EPAS1: variants seen among roughly 807,000 people sequenced by gnomAD.
The protein encoded by EPAS1 is endothelial PAS domain protein 1.
Under a neutral mutation model 87.9 loss-of-function variants are expected in EPAS1, and 23 were observed. That is an observed-to-expected ratio of 0.26 (90% CI 0.19 to 0.37). The LOEUF (loss-of-function observed/expected upper bound fraction) is 0.37, where lower values mean the gene tolerates loss of function less well. EPAS1 is among the 10% of genes least tolerant of loss of function. The pLI, the probability that EPAS1 is intolerant of heterozygous loss-of-function variation, is 1.00. For synonymous variants in EPAS1, 508 were observed against 444.3 expected, an observed-to-expected ratio of 1.14 and a Z score of -1.80; for missense variants, 1,138 against 1,120.7, an observed-to-expected ratio of 1.02 and a Z score of -0.22.
chr2:46,347,093 C>G lies in EPAS1; in HGVS notation c.217+30C>G, dbSNP rs1362548083. 16 of 1,612,330 alleles carry G rather than the reference C, an allele frequency of 9.9e-6. No individual in the cohort carries two copies. Among genetic ancestry groups the G allele is most frequent in the Admixed American group, 1.7e-5 (1 of 60,020 alleles). ...GGCCAGCAGGCTCCCCTAGGCTGGG[C>G]AGATGCCAGCCTTACCAGCATGTTC... On this transcript the variant is annotated intron_variant, in intron 2 of 15. Transcript: ENST00000263734. This position sits in a 1 kb window ranked among gnomAD's most constrained non-coding sequence, Gnocchi z 4.2.
chr2:46,376,737 C>T lies in EPAS1; in HGVS notation c.1233C>T (p.Ile411=). The change falls in exon 9 of 16, where the codon ATC becomes ATT. Residue 411 remains isoleucine (I), a synonymous_variant. Transcript: ENST00000263734. ...TGGCTCCCACCCCAGGAGACGCCAT[C>T]ATCTCTCTGGATTTCGGTGGGTGCT... ...AQLAPTPGDA[I]ISLDFGNQNF... 3 of 1,612,516 alleles carry T rather than the reference C, an allele frequency of 1.9e-6. No individual in the cohort carries two copies. Among genetic ancestry groups the T allele is most frequent in the Non-Finnish European group, 2.5e-6 (3 of 1,179,940 alleles).
chr2:46,348,439 A>G (rs1684082334), intron 2 of EPAS1, among the ~76,000 whole-genome samples: 1 of 152,202 alleles, frequency 6.6e-6, no homozygotes, highest in Non-Finnish European at 1.5e-5. Context: ...GTCTTACTGG[A>G]TAACTGAGGG....
intron 1 of EPAS1, among the ~76,000 whole-genome samples, chr2:46,338,910 A>G (rs763493253): frequency 8.5e-5 from 10 of 117,754 alleles, no homozygotes; most frequent in African/African-American, 3.4e-4. Flanking sequence ...AAATCTGCCA[A>G]CTCAGCTTTC....
chr2:46,320,783 A>G (rs1683440088), intron 1 of EPAS1, among the ~76,000 whole-genome samples: 1 of 152,238 alleles, frequency 6.6e-6, no homozygotes, highest in South Asian at 2.1e-4. Context: ...GTGAGAGTTT[A>G]GTTTAAGAGT....
At chr2:46,298,069 G>A in intron 1 of EPAS1, 132 bp downstream of exon 1, 1 of 1,139,028 alleles carries the variant, frequency 8.8e-7, no homozygotes, top group Non-Finnish European at 1.3e-6. Flanking sequence ...GGTTTGGAGG[G>A]CTGTGAGGGG....
Position 46,375,032 on chromosome 2 carries a change from G to T in EPAS1, c.887-658G>T, listed in dbSNP as rs375276019. ...TCTCAGCCCCAACTGAGAAAGGGTG[G>T]GGTGGTTTGCCTCTGCCTTTGCTGT... is the stretch of plus-strand genomic sequence containing the variant. On this transcript the variant is annotated intron_variant, in intron 7 of 15. Coordinates refer to ENST00000263734, the MANE Select transcript of EPAS1 (RefSeq NM_001430.5). This position sits in a 1 kb window ranked among gnomAD's most constrained non-coding sequence, Gnocchi z 4.1. Among the ~76,000 whole-genome samples the T allele has an allele frequency of 5.4e-4, 82 of 152,256 alleles. 3 individuals carry two copies. The South Asian group carries it at 0.017, about 31-fold the overall frequency.
Position 46,369,975 on chromosome 2 carries a change from G to A in EPAS1, c.886+42G>A, listed in dbSNP as rs183967121. ...CCCCTTGTGGCTTCCTTGTGTCTGT[G>A]GTATGTGGCCTTGAGTGGGGTGTGA... is the stretch of plus-strand genomic sequence containing the variant. On this transcript the variant is annotated intron_variant, in intron 7 of 15. Coordinates refer to ENST00000263734, the MANE Select transcript of EPAS1 (RefSeq NM_001430.5). 20 of 1,480,462 alleles carry A rather than the reference G, an allele frequency of 1.4e-5. No homozygotes were observed. In the African/African-American group the frequency reaches 2.8e-4, roughly 21 times the overall value. The allele number at this position is 1,480,462 out of a possible 1,614,324, so 91.7% of individuals were successfully genotyped here. A position where few individuals can be genotyped will look rare whatever the true frequency, so the allele number is the denominator to read the frequency against.
At chr2:46,299,217 G>A (rs571823944) in intron 1 of EPAS1, among the ~76,000 whole-genome samples, 1 of 152,364 alleles carries the variant, frequency 6.6e-6, no homozygotes, top group South Asian at 2.1e-4. Context: ...TCCCACCTCG[G>A]GGCACCGATA....
intron 1 of EPAS1, among the ~76,000 whole-genome samples, chr2:46,304,301 G>C (rs756976920): frequency 3.3e-5 from 5 of 152,116 alleles, no homozygotes; most frequent in Non-Finnish European, 7.4e-5. Context: ...CTGAAGTCTA[G>C]AAGGGCTAAC....
chr2:46,302,474 G>C (rs1345173128), intron 1 of EPAS1, among the ~76,000 whole-genome samples: 1 of 151,922 alleles, frequency 6.6e-6, no homozygotes, highest in Non-Finnish European at 1.5e-5. Flanking sequence ...GTTCTTAACA[G>C]GTCTAGCTTT....
At chr2:46,317,342 A>G (rs1572617367) in intron 1 of EPAS1, among the ~76,000 whole-genome samples, 1 of 152,226 alleles carries the variant, frequency 6.6e-6, no homozygotes, top group Non-Finnish European at 1.5e-5. Context: ...AATTTCTTGA[A>G]TAAGACTTGG....
intron 1 of EPAS1, among the ~76,000 whole-genome samples, chr2:46,305,723 C>CG (rs397826738): frequency 3.1e-4 from 47 of 151,890 alleles, no homozygotes; most frequent in Non-Finnish European, 6.3e-4. Context: ...ACTATCCCCC[C>CG]ATCCCCAGCC....
At chr2:46,328,677 G>A (rs1462094850) in intron 1 of EPAS1, among the ~76,000 whole-genome samples, 1 of 152,204 alleles carries the variant, frequency 6.6e-6, no homozygotes, top group Admixed American at 6.5e-5. Context: ...GAAAACATGA[G>A]TATATATCAT....
intron 1 of EPAS1, among the ~76,000 whole-genome samples, chr2:46,325,942 T>C (rs181832745): frequency 6.6e-6 from 1 of 152,334 alleles, no homozygotes; most frequent in Admixed American, 6.5e-5. Flanking sequence ...TAAGCTGTAG[T>C]GATCACTTCC....
chr2:46,379,462 A>G (rs1409908887), intron 11 of EPAS1, among the ~76,000 whole-genome samples: 1 of 152,096 alleles, frequency 6.6e-6, no homozygotes, highest in Non-Finnish European at 1.5e-5. Context: ...TAGCTTTTCT[A>G]TCACCCTCCC....
chr2:46,383,267 C>G (rs2103679925), intron 15 of EPAS1, among the ~76,000 whole-genome samples: 1 of 152,334 alleles, frequency 6.6e-6, no homozygotes, highest in East Asian at 1.9e-4. Flanking sequence ...CATGCCAAAA[C>G]TTCCTTCAGG....
intron 1 of EPAS1, among the ~76,000 whole-genome samples, chr2:46,304,189 A>C (rs1048831060): frequency 1.3e-5 from 2 of 152,232 alleles, no homozygotes; most frequent in Non-Finnish European, 2.9e-5. Flanking sequence ...AAAAACTGAC[A>C]GTCTTATTTG....
In EPAS1 at chr2:46,381,688, A is replaced by G. The variant is rs1267459657; in HGVS notation, c.2138A>G (p.Glu713Gly). The G allele has an allele frequency of 2.5e-6, 4 of 1,613,888 alleles. No homozygotes were observed. Among genetic ancestry groups the G allele is most frequent in the Non-Finnish European group, 3.4e-6 (4 of 1,180,046 alleles). The change falls in exon 13 of 16, where the codon GAG becomes GGG. Residue 713 changes from glutamate to glycine, a missense_variant. Transcript: ENST00000263734. Reference protein sequence around the residue: ...SNKLKLKRQLEYEEQAFQDLS... With the variant: ...SNKLKLKRQLGYEEQAFQDLS... The stretch of plus-strand genomic sequence containing the variant: ...AAGCTGAAGCTGAAGCGACAGCTGG[A>G]GTATGAAGAGCAAGCCTTCCAGGAC...
At chr2:46,302,116 C>T (rs919730122) in intron 1 of EPAS1, among the ~76,000 whole-genome samples, 4 of 54,540 alleles carry the variant, frequency 7.3e-5, no homozygotes, top group Non-Finnish European at 1.7e-4. Context: ...CCCTCTTTCT[C>T]TCTGTGTGTG....
Sources: gnomAD v4.1 joint callset for allele counts (sites outside exome capture counted in the v4.1 genomes callset) on GRCh38, gnomAD v4.1.1 for gene constraint, Gnocchi (gnomAD v3.1) non-coding constraint, MANE v1.5 for transcripts, NCBI Gene and HGNC (gene_info 2026-07-23, HGNC 2026-07-21) for gene names.